MAML3: variants seen among roughly 807,000 people sequenced by gnomAD.
The protein encoded by MAML3 is mastermind-like protein 3.
MAML3 carries 27 observed loss-of-function variants against 101.9 expected under a neutral mutation model. The ratio of observed to expected loss-of-function variants is 0.27; its 90% CI spans 0.20 to 0.37. MAML3 has a LOEUF of 0.37. Among genes scored for constraint, MAML3 ranks in the 10% least tolerant of loss-of-function variants. The probability of loss-of-function intolerance (pLI) is 1.00; values close to 1 mark genes in which losing one functional copy is unlikely to be tolerated. For synonymous variants in MAML3, 501 were observed against 555.9 expected, an observed-to-expected ratio of 0.90 and a Z score of 1.39; for missense variants, 1,316 against 1,444.9, an observed-to-expected ratio of 0.91 and a Z score of 1.45.
chr4:139,886,083 A>G (rs1732334352), intron 2 of MAML3, among the ~76,000 whole-genome samples: 2 of 151,986 alleles, frequency 1.3e-5, no homozygotes, highest in South Asian at 4.2e-4. Flanking sequence ...TTTCACTGTC[A>G]CTAATTTAGC....
chr4:139,951,552 G>A (rs985444379), intron 1 of MAML3, among the ~76,000 whole-genome samples: 1 of 152,106 alleles, frequency 6.6e-6, no homozygotes, highest in Non-Finnish European at 1.5e-5. Context: ...GGGGGCTGAC[G>A]CATGCAGAGC....
intron 2 of MAML3, among the ~76,000 whole-genome samples, chr4:139,834,616 G>T (rs1320543193): frequency 1.8e-4 from 28 of 152,186 alleles, no homozygotes; most frequent in Non-Finnish European, 3.1e-4. Context: ...TGATGCTGAT[G>T]GTTCCCTGGA....
intron 2 of MAML3, among the ~76,000 whole-genome samples, chr4:139,807,285 TTG>T (rs35966760): frequency 1.3e-5 from 2 of 150,808 alleles, no homozygotes; most frequent in African/African-American, 4.9e-5. Context: ...CGCTATTATT[TTG>T]TGTGTGTGTG....
intron 2 of MAML3, among the ~76,000 whole-genome samples, chr4:139,796,598 A>G (rs1197163761): frequency 1.3e-5 from 2 of 152,206 alleles, no homozygotes; most frequent in Non-Finnish European, 2.9e-5. Flanking sequence ...TAATCTAGTG[A>G]TTCGAATGTG....
intron 1 of MAML3, among the ~76,000 whole-genome samples, chr4:140,078,464 A>C (rs78426355): frequency 6.6e-6 from 1 of 152,126 alleles, no homozygotes; most frequent in South Asian, 2.1e-4. Context: ...ATGTGACACC[A>C]GCGATGTTGT....
intron 2 of MAML3, among the ~76,000 whole-genome samples, chr4:139,796,142 ATAAGAT>A (rs1730507897): frequency 6.6e-6 from 1 of 152,224 alleles, no homozygotes; most frequent in African/African-American, 2.4e-5. Flanking sequence ...TAAACAAAGG[ATAAGAT>A]CTGTCTCTGA....
chr4:140,126,644 T>C (rs1268915162), intron 1 of MAML3, among the ~76,000 whole-genome samples: 2 of 152,188 alleles, frequency 1.3e-5, no homozygotes, highest in African/African-American at 4.8e-5. Context: ...CACTCTGAAA[T>C]TTCAGCCATC....
intron 2 of MAML3, among the ~76,000 whole-genome samples, chr4:139,875,683 C>T (rs750345762): frequency 6.6e-6 from 1 of 151,946 alleles, no homozygotes; most frequent in Non-Finnish European, 1.5e-5. Context: ...TGAATAAGGG[C>T]GTTCCTTTCC....
intron 1 of MAML3, among the ~76,000 whole-genome samples, chr4:139,939,821 G>A (rs4376085): frequency 0.045 from 6,713 of 148,902 alleles, 533 homozygotes; most frequent in African/African-American, 0.16. Context: ...CTGGAGTGCA[G>A]TGGCGCGATC....
chr4:139,772,001 A>G (rs528742399), intron 2 of MAML3, among the ~76,000 whole-genome samples: 128 of 151,210 alleles, frequency 8.5e-4, no homozygotes, highest in African/African-American at 2.8e-3. Context: ...GCACTTTGGG[A>G]GGCCGAGGTG....
rs1336772074 is a variant in MAML3, at chr4:140,134,453, C to G, written c.468+18407G>C. On this transcript the variant is annotated intron_variant, in intron 1 of 4. Transcript: ENST00000509479. The stretch of plus-strand genomic sequence containing the variant: ...GCTACAGCAAGTGCATATCTACTTA[C>G]AGCAGATTTGTAAACAGATCTATTC... 4 of 450,976 alleles carry G rather than the reference C, an allele frequency of 8.9e-6. No individual in the cohort carries two copies. In the Admixed American group the frequency reaches 9.5e-5, roughly 11 times the overall value. 27.9% of individuals were successfully genotyped at this position (450,976 alleles called of 1,614,324 possible).
intron 2 of MAML3, among the ~76,000 whole-genome samples, chr4:139,875,587 G>A (rs542736253): frequency 1.4e-4 from 21 of 152,016 alleles, no homozygotes; most frequent in Non-Finnish European, 8.8e-5. Context: ...TGTTAATAGG[G>A]GGTCAGGTGC....
At chr4:140,042,271 G>C (rs539959866) in intron 1 of MAML3, among the ~76,000 whole-genome samples, 140 of 152,128 alleles carry the variant, frequency 9.2e-4, no homozygotes, top group Non-Finnish European at 1.5e-3. Flanking sequence ...AGAGTTTTCT[G>C]TACCACAAAG....
At chr4:140,040,172 G>C (rs137868529) in intron 1 of MAML3, among the ~76,000 whole-genome samples, 2 of 152,320 alleles carry the variant, frequency 1.3e-5, no homozygotes, top group African/African-American at 4.8e-5. Context: ...AAGTGGGAGA[G>C]AGAGCATCTA....
chr4:139,887,657 G>C (rs1732370126), intron 2 of MAML3, among the ~76,000 whole-genome samples: 1 of 152,202 alleles, frequency 6.6e-6, no homozygotes. Context: ...CATGTCTGCA[G>C]AGCCTGTGAA....
chr4:139,890,604 G>A lies in MAML3; in HGVS notation c.832C>T (p.Pro278Ser), dbSNP rs773090543. Residue 278 changes from proline to serine, a missense_variant, in exon 2 of 5, where the codon CCT (proline) becomes TCT (serine). Transcript: ENST00000509479. This position sits in a 1 kb window ranked among gnomAD's most constrained non-coding sequence, Gnocchi z 4.1. ...TCTATGCAAGTAGGGTCATCGAGAG[G>A]TTCTTGTTTGAGGTCTTTGCTCTGC... The part of the protein sequence containing the change: ...ILQSKDLKQE[P>S]LDDPTCIDTS... The A allele has an allele frequency of 8.7e-6, 14 of 1,613,876 alleles. No individual in the cohort carries two copies. Among genetic ancestry groups the A allele is most frequent in the African/African-American group, 1.3e-5 (1 of 74,906 alleles).
rs1033324797 is a variant in MAML3, at chr4:139,719,122, G to A, written c.*201C>T. The A allele has an allele frequency of 1.2e-5, 7 of 587,852 alleles. No individual in the cohort carries two copies. Among genetic ancestry groups the A allele is most frequent in the Middle Eastern group, 4.5e-4 (1 of 2,198 alleles). The allele number at this position is 587,852 out of a possible 1,614,324, so 36.4% of individuals were successfully genotyped here. ...CGGGATCTGCATGGCGTCTCATCTCGATTGCTGTGTGAAAATCAGGTGAAA... is the reference window on the plus strand; with the variant it reads ...CGGGATCTGCATGGCGTCTCATCTCAATTGCTGTGTGAAAATCAGGTGAAA... On this transcript the variant is annotated 3_prime_UTR_variant, in exon 5 of 5. Coordinates refer to ENST00000509479, the MANE Select transcript of MAML3 (RefSeq NM_018717.5).
intron 2 of MAML3, among the ~76,000 whole-genome samples, chr4:139,803,344 T>C (rs1300833539): frequency 1.3e-5 from 2 of 152,218 alleles, no homozygotes; most frequent in African/African-American, 2.4e-5. Context: ...TAGTTTATCA[T>C]AAACCTTCAA....
intron 1 of MAML3, among the ~76,000 whole-genome samples, chr4:140,145,938 A>C (rs1471108803): frequency 7.4e-6 from 1 of 135,418 alleles, no homozygotes; most frequent in Non-Finnish European, 1.5e-5. Flanking sequence ...CAATGGCACA[A>C]TCTCGGCTCA....
Sources: allele counts gnomAD v4.1 joint callset (sites outside exome capture counted in the v4.1 genomes callset), GRCh38; gene constraint gnomAD v4.1.1; non-coding constraint Gnocchi (gnomAD v3.1); transcripts MANE v1.5; gene names NCBI Gene and HGNC (gene_info 2026-07-23, HGNC 2026-07-21).